OTOR: variants seen among roughly 807,000 people sequenced by gnomAD.
OTOR encodes otoraplin.
A neutral mutation model predicts 15.9 loss-of-function variants in OTOR; 20 were observed. The observed-to-expected ratio is 1.26, with a 90% CI of 0.89 to 1.83. The LOEUF (loss-of-function observed/expected upper bound fraction) is 1.83, where lower values mean the gene tolerates loss of function less well. Among genes scored for constraint, OTOR ranks in the 40% most tolerant of loss-of-function variants. The pLI is 0.00. For synonymous variants in OTOR, 53 were observed against 54.2 expected (o/e 0.98, Z 0.09); for missense variants, 184 against 159.0 (o/e 1.16, Z -0.85).
In OTOR at chr20:16,751,542, TG is replaced by T. The variant is rs1205639825; in HGVS notation, c.*425del. The T allele has an allele frequency of 1.3e-5, 2 of 158,330 alleles. No homozygotes were observed. The highest frequency in any genetic ancestry group is 2.8e-5 in the Non-Finnish European group (2 of 72,352). The allele number at this position is 158,330 out of a possible 1,614,324, so 9.8% of individuals were successfully genotyped here. On this transcript the variant is annotated 3_prime_UTR_variant, in exon 4 of 4. Transcript: ENST00000246081. ...TTAGACATGATGTTTTCTACTCATT[TG>T]TCTCTCTGGCCAATTGAATTATTAA...
rs1377176856 is a variant in OTOR at position 16,751,316 on chromosome 20, T to C, written c.*198T>C. 7.2e-6 allele frequency: 4 copies of C among 552,572 alleles called. No homozygotes were observed. The highest frequency in any genetic ancestry group is 9.5e-6 in the Non-Finnish European group (3 of 316,040). 34.2% of individuals were successfully genotyped at this position (552,572 alleles called of 1,614,324 possible). On this transcript the variant is annotated 3_prime_UTR_variant, in exon 4 of 4. Coordinates refer to ENST00000246081, the MANE Select transcript of OTOR (RefSeq NM_020157.4). Reference sequence around the variant, plus strand: ...CAAATCTTGTTTCCTGCTGGCCTGGTCTGCCCACGAGCTAGAGCGGGGAAA... The same window carrying C: ...CAAATCTTGTTTCCTGCTGGCCTGGCCTGCCCACGAGCTAGAGCGGGGAAA...
chr20:16,749,024 C>T lies in OTOR; in HGVS notation c.255+18C>T. The T allele has an allele frequency of 1.3e-6, 2 of 1,499,830 alleles. No homozygotes were observed. The highest frequency in any genetic ancestry group is 1.8e-6 in the Non-Finnish European group (2 of 1,098,058). The allele number at this position is 1,499,830 out of a possible 1,614,324, so 92.9% of individuals were successfully genotyped here. The stretch of plus-strand genomic sequence containing the variant: ...CTGGCAGTGTAAGATAATTTAAACA[C>T]CTATTGACGAATATTGCTCTTAACC... On this transcript the variant is annotated intron_variant, in intron 2 of 3. Coordinates refer to ENST00000246081, the MANE Select transcript of OTOR (RefSeq NM_020157.4).
rs2072531953 is a variant in OTOR, at chr20:16,752,089, A to G, written c.*971A>G. 6.6e-6 allele frequency: 1 copy of G among 152,160 alleles called. No individual in the cohort carries two copies. Among genetic ancestry groups the G allele is most frequent in the African/African-American group, 2.4e-5 (1 of 41,436 alleles). The allele number at this position is 152,160 out of a possible 1,614,324, so 9.4% of individuals were successfully genotyped here. ...TGGAAATATGCTTTGATTTTGTGTT[A>G]TTAATATAATTCTTTTGATGTAGTC... On this transcript the variant is annotated 3_prime_UTR_variant, in exon 4 of 4. Coordinates refer to ENST00000246081, the MANE Select transcript of OTOR (RefSeq NM_020157.4).
rs17686413 is a variant in OTOR at position 16,748,371 on chromosome 20, C to A, written c.-31C>A. Reference sequence around the variant, plus strand: ...ACTGAAGTCAGTCCCCGCTTCCAGTCAGAGTTCAAGTTAAAACAGAAAAAA... The same window carrying A: ...ACTGAAGTCAGTCCCCGCTTCCAGTAAGAGTTCAAGTTAAAACAGAAAAAA... On this transcript the variant is annotated 5_prime_UTR_variant, in exon 1 of 4. Coordinates refer to ENST00000246081, the MANE Select transcript of OTOR (RefSeq NM_020157.4). 2.1e-6 allele frequency: 3 copies of A among 1,440,194 alleles called. No individual in the cohort carries two copies. The highest frequency in any genetic ancestry group is 1.1e-5 in the South Asian group (1 of 87,488). The allele number at this position is 1,440,194 out of a possible 1,614,324, so 89.2% of individuals were successfully genotyped here.
At chr20:16,749,164 A>G (rs2072512634) in intron 2 of OTOR, among the ~76,000 whole-genome samples, 158 bp downstream of exon 2, 1 of 152,234 alleles carries the variant, frequency 6.6e-6, no homozygotes, top group East Asian at 1.9e-4. Context: ...ATTGCATTTT[A>G]AAGAAAGAAA....
At chr20:16,749,866 C>G (rs751269276) in intron 2 of OTOR, 37 bp from the exon 3 acceptor site, 6 of 1,385,644 alleles carry the variant, frequency 4.3e-6, no homozygotes, top group Non-Finnish European at 6.2e-6. Flanking sequence ...CACTCAGCAT[C>G]AGCTTTTTCC....
chr20:16,748,620 A>G (rs556682384), intron 1 of OTOR, 104 bp downstream of exon 1: 4 of 766,966 alleles, frequency 5.2e-6, no homozygotes, highest in South Asian at 1.7e-5. Flanking sequence ...ATCTTCTCCA[A>G]TGTGTATGTT....
Position 16,751,225 on chromosome 20 carries a change from T to C in OTOR, c.*107T>C. The C allele has an allele frequency of 2.6e-6, 2 of 782,226 alleles. No homozygotes were observed. Among genetic ancestry groups the C allele is most frequent in the South Asian group, 1.8e-5 (1 of 56,732 alleles). The allele number at this position is 782,226 out of a possible 1,614,324, so 48.5% of individuals were successfully genotyped here. A position where few individuals can be genotyped will look rare whatever the true frequency, so the allele number is the denominator to read the frequency against. On this transcript the variant is annotated 3_prime_UTR_variant, in exon 4 of 4. Transcript: ENST00000246081. ...AATTTTGGACTGACGTTTTAAGAATTTGTTACCTTACAGAAGAGCAAGGGC... is the reference window on the plus strand; with the variant it reads ...AATTTTGGACTGACGTTTTAAGAATCTGTTACCTTACAGAAGAGCAAGGGC...
chr20:16,750,952 T>C, intron 3 of OTOR, 143 bp from the exon 4 acceptor site: 1 of 662,840 alleles, frequency 1.5e-6, no homozygotes. Flanking sequence ...GTGGTAAATA[T>C]TTCATATTTT....
intron 3 of OTOR, 102 bp from the exon 4 acceptor site, chr20:16,750,993 C>G: frequency 1.1e-6 from 1 of 914,790 alleles, no homozygotes; most frequent in Non-Finnish European, 1.6e-6. Context: ...ACTTTAAATC[C>G]AAATTTCTCT....
In OTOR at chr20:16,749,931, G is replaced by C. The variant is rs1362505882; in HGVS notation, c.284G>C (p.Gly95Ala). ...SVYGDGQDEM[G>A]VVGYFPRNLV... The stretch of plus-strand genomic sequence containing the variant: ...TATGGTGATGGCCAGGACGAGATGG[G>C]AGTCGTGGGTTATTTCCCCAGGAAC... The change falls in exon 3 of 4, where the codon GGA becomes GCA. Residue 95 changes from glycine (G) to alanine (A), a missense_variant. By Grantham distance (60) the Gly-to-Ala change is moderately conservative. Coordinates refer to ENST00000246081, the MANE Select transcript of OTOR (RefSeq NM_020157.4). 2.5e-6 allele frequency: 4 copies of C among 1,613,608 alleles called. No individual in the cohort carries two copies. Among genetic ancestry groups the C allele is most frequent in the African/African-American group, 1.3e-5 (1 of 74,924 alleles).
Position 16,751,333 on chromosome 20 carries a change from G to C in OTOR, c.*215G>C. 1 of 520,664 alleles carries C rather than the reference G, an allele frequency of 1.9e-6. No homozygotes were observed. Among genetic ancestry groups the C allele is most frequent in the Non-Finnish European group, 3.4e-6 (1 of 298,048 alleles). 32.3% of individuals were successfully genotyped at this position (520,664 alleles called of 1,614,324 possible). A position where few individuals can be genotyped will look rare whatever the true frequency, so the allele number is the denominator to read the frequency against. ...TGGCCTGGTCTGCCCACGAGCTAGAGCGGGGAAATGTTGAGCTCAAATGGG... is the reference window on the plus strand; with the variant it reads ...TGGCCTGGTCTGCCCACGAGCTAGACCGGGGAAATGTTGAGCTCAAATGGG... On this transcript the variant is annotated 3_prime_UTR_variant, in exon 4 of 4. Coordinates refer to ENST00000246081, the MANE Select transcript of OTOR (RefSeq NM_020157.4).
At chr20:16,750,132 CTT>C (rs2072520312) in intron 3 of OTOR, 122 bp downstream of exon 3, 1 of 621,856 alleles carries the variant, frequency 1.6e-6, no homozygotes, top group African/African-American at 1.9e-5. Context: ...TCAGTGGCGA[CTT>C]TTCTGAGATA....
intron 3 of OTOR, 93 bp downstream of exon 3, chr20:16,750,103 A>G (rs527769425): frequency 6.6e-5 from 53 of 807,392 alleles, no homozygotes; most frequent in Middle Eastern, 4.5e-4. Flanking sequence ...CAAGTTGTAT[A>G]GAACAAAGCC....
At chr20:16,748,564 A>C (rs764302966) in intron 1 of OTOR, 48 bp downstream of exon 1, 1 of 1,099,192 alleles carries the variant, frequency 9.1e-7, no homozygotes, top group Non-Finnish European at 1.4e-6. Context: ...ACATAATTGA[A>C]AATATATCCA....
Position 16,748,515 on chromosome 20 carries a change from C to T in OTOR, c.114C>T (p.Val38=). The T allele has an allele frequency of 6.4e-7, 1 of 1,553,520 alleles. No homozygotes were observed. The highest frequency in any genetic ancestry group is 1.1e-5 in the South Asian group (1 of 88,232). Residue 38 remains valine, a splice_region_variant and synonymous_variant, in exon 1 of 4, where the codon GTC becomes GTT. Transcript: ENST00000246081. ...AGCTCTGTGCAGATGATGAGTGTGT[C>T]TGTAAGGACTTTTTTATGCTTTTCA... ...SKKLCADDEC[V]YTISLASAQE...
At position 16,751,676 on chromosome 20, in the gene OTOR, G is replaced by A. The variant is rs1021622072; in HGVS notation, c.*558G>A. On this transcript the variant is annotated 3_prime_UTR_variant, in exon 4 of 4. Transcript: ENST00000246081. Reference sequence around the variant, plus strand: ...GGGAAGAAGAGTTTTTGGACCCATAGATGTTTGGATGATGTCTCTAATTTG... The same window carrying A: ...GGGAAGAAGAGTTTTTGGACCCATAAATGTTTGGATGATGTCTCTAATTTG... 1.3e-5 allele frequency: 2 copies of A among 152,112 alleles called. No individual in the cohort carries two copies. Among genetic ancestry groups the A allele is most frequent in the Non-Finnish European group, 2.9e-5 (2 of 68,030 alleles). 9.4% of individuals were successfully genotyped at this position (152,112 alleles called of 1,614,324 possible).
At chr20:16,749,149 T>C in intron 2 of OTOR, 143 bp downstream of exon 2, 1 of 476,078 alleles carries the variant, frequency 2.1e-6, no homozygotes, top group Non-Finnish European at 3.5e-6. Flanking sequence ...TCAGGTATAT[T>C]TGCTATTGCA....
In OTOR at chr20:16,751,252, TA is replaced by T. The variant is rs2072527415; in HGVS notation, c.*135del. On this transcript the variant is annotated 3_prime_UTR_variant, in exon 4 of 4. Coordinates refer to ENST00000246081, the MANE Select transcript of OTOR (RefSeq NM_020157.4). ...GTTACCTTACAGAAGAGCAAGGGCT[TA>T]GGGGTTGGAGGTGGCAGATAAAAGA... is the stretch of plus-strand genomic sequence containing the variant. The T allele has an allele frequency of 4.2e-5, 27 of 638,274 alleles. No homozygotes were observed. In the South Asian group the frequency reaches 5.6e-4, roughly 13 times the overall value. 39.5% of individuals were successfully genotyped at this position (638,274 alleles called of 1,614,324 possible).
Sources: allele counts gnomAD v4.1 joint callset (sites outside exome capture counted in the v4.1 genomes callset), GRCh38; gene constraint gnomAD v4.1.1; transcripts MANE v1.5; gene names NCBI Gene and HGNC (gene_info 2026-07-23, HGNC 2026-07-21).